MPP7: variants seen among roughly 807,000 people sequenced by gnomAD.
The protein encoded by MPP7 is MAGUK p55 scaffold protein 7.
A neutral mutation model predicts 76.5 loss-of-function variants in MPP7; 60 were observed. That is an observed-to-expected ratio of 0.78 (90% CI 0.64 to 0.97). The LOEUF is 0.97. MPP7 is among the 50% of genes least tolerant of loss of function. The pLI is 0.00. For missense variants in MPP7, 641 were observed against 694.0 expected (o/e 0.92, Z 0.86); for synonymous variants, 237 against 244.5 (o/e 0.97, Z 0.29).
intron 1 of MPP7, among the ~76,000 whole-genome samples, chr10:28,254,588 C>T (rs1272912679): frequency 2.0e-5 from 3 of 152,164 alleles, no homozygotes; most frequent in Non-Finnish European, 4.4e-5. Flanking sequence ...AAGATAATTA[C>T]TTAAAACCTA....
intron 11 of MPP7, among the ~76,000 whole-genome samples, chr10:28,117,098 C>T (rs1834685930): frequency 6.6e-6 from 1 of 151,984 alleles, no homozygotes; most frequent in Non-Finnish European, 1.5e-5. Context: ...TGAACTTTTC[C>T]CCCATGCAAA....
intron 1 of MPP7, among the ~76,000 whole-genome samples, chr10:28,246,223 G>A (rs554390923): frequency 2.0e-5 from 3 of 152,206 alleles, no homozygotes; most frequent in African/African-American, 7.2e-5. Flanking sequence ...GACTCATCAT[G>A]TACAAGGAAG....
At chr10:28,225,304 A>G (rs957279835) in intron 2 of MPP7, among the ~76,000 whole-genome samples, 1 of 152,196 alleles carries the variant, frequency 6.6e-6, no homozygotes, top group East Asian at 1.9e-4. Context: ...CATCAACAAC[A>G]TAAGAAAAAA....
intron 2 of MPP7, among the ~76,000 whole-genome samples, chr10:28,218,175 G>T (rs1838377037): frequency 6.6e-6 from 1 of 152,218 alleles, no homozygotes; most frequent in African/African-American, 2.4e-5. Flanking sequence ...GGCCGGTGGA[G>T]AATTGGCTAT....
intron 3 of MPP7, among the ~76,000 whole-genome samples, chr10:28,166,650 G>A (rs1231024094): frequency 2.0e-5 from 3 of 151,844 alleles, no homozygotes; most frequent in Admixed American, 6.6e-5. Flanking sequence ...CAGGTGATCC[G>A]CCCATCTCGG....
chr10:28,275,293 G>A (rs777728803), intron 1 of MPP7, among the ~76,000 whole-genome samples: 7 of 152,048 alleles, frequency 4.6e-5, no homozygotes, highest in African/African-American at 9.7e-5. Flanking sequence ...CTACATGAAC[G>A]GCATGACCAT....
At chr10:28,232,127 G>A (rs375878801) in intron 2 of MPP7, among the ~76,000 whole-genome samples, 1 of 152,120 alleles carries the variant, frequency 6.6e-6, no homozygotes, top group East Asian at 1.9e-4. Context: ...GAGGCCAGTG[G>A]TGGGACGATC....
chr10:28,131,707 G>C lies in MPP7; in HGVS notation c.316-16C>G, dbSNP rs557532955. ...AGAGCAAAGCCTGTAATATTCAAAG[G>C]TTGATTTAAATAAGTAAATATACAT... is the stretch of plus-strand genomic sequence containing the variant. On this transcript the variant is annotated splice_polypyrimidine_tract_variant and intron_variant, in intron 5 of 16. Transcript: ENST00000683449. 5 of 1,501,498 alleles carry C rather than the reference G, an allele frequency of 3.3e-6. No homozygotes were observed. The East Asian group carries it at 1.0e-4, about 31-fold the overall frequency. 93.0% of individuals were successfully genotyped at this position (1,501,498 alleles called of 1,614,324 possible).
At position 28,124,051 on chromosome 10, in the gene MPP7, C is replaced by T. The variant is rs1278559142; in HGVS notation, c.595G>A (p.Glu199Lys). 6.2e-7 allele frequency: 1 copy of T among 1,609,868 alleles called. No homozygotes were observed. Among genetic ancestry groups the T allele is most frequent in the East Asian group, 2.2e-5 (1 of 44,848 alleles). Reference sequence around the variant, plus strand: ...CTTACCAAAATCTGTATTATTTCCTCAGGCCTTTTATCCTCCACTGGTATC... The same window carrying T: ...CTTACCAAAATCTGTATTATTTCCTTAGGCCTTTTATCCTCCACTGGTATC... ...NGIPVEDKRPEEIIQILAQSQ... is the reference protein window; with the variant it reads ...NGIPVEDKRPKEIIQILAQSQ... The change falls in exon 8 of 17, where the codon GAG (glutamate) becomes AAG (lysine). Residue 199 changes from glutamate to lysine, a missense_variant. Transcript: ENST00000683449.
intron 7 of MPP7, 131 bp from the exon 8 acceptor site, chr10:28,124,247 A>G: frequency 1.5e-6 from 1 of 662,042 alleles, no homozygotes; most frequent in Non-Finnish European, 2.7e-6. Flanking sequence ...AGACCTTCAC[A>G]CATCTCAGGT....
chr10:28,165,535 GAA>G (rs11366770), intron 3 of MPP7, among the ~76,000 whole-genome samples: 294 of 135,638 alleles, frequency 2.2e-3, no homozygotes, highest in Middle Eastern at 7.8e-3. Flanking sequence ...CTAAGAAAAG[GAA>G]AAAAAAAAAA....
intron 3 of MPP7, among the ~76,000 whole-genome samples, chr10:28,171,160 C>T (rs1836667633): frequency 6.6e-6 from 1 of 152,146 alleles, no homozygotes; most frequent in African/African-American, 2.4e-5. Flanking sequence ...GACAGACACA[C>T]CTTCAGTCCA....
chr10:28,217,111 G>A (rs1838334756), intron 2 of MPP7, among the ~76,000 whole-genome samples: 1 of 152,068 alleles, frequency 6.6e-6, no homozygotes, highest in South Asian at 2.1e-4. Context: ...GTGCTTTAAA[G>A]TTTTTAATAC....
chr10:28,136,372 A>T (rs1835354830), intron 5 of MPP7, among the ~76,000 whole-genome samples: 1 of 152,084 alleles, frequency 6.6e-6, no homozygotes, highest in African/African-American at 2.4e-5. Context: ...AAACACAAAA[A>T]TACCCAGCAT....
At chr10:28,128,041 T>A (rs1235283329) in intron 6 of MPP7, among the ~76,000 whole-genome samples, 1 of 152,000 alleles carries the variant, frequency 6.6e-6, no homozygotes, top group East Asian at 1.9e-4. Context: ...CAAGAGGAGA[T>A]GAGGTAAAGG....
intron 1 of MPP7, among the ~76,000 whole-genome samples, chr10:28,287,586 T>G (rs10826442): frequency 0.14 from 21,882 of 152,164 alleles, 2,150 homozygotes; most frequent in East Asian, 0.46. Context: ...GTTAGCACAT[T>G]TTATAATGCC....
intron 12 of MPP7, among the ~76,000 whole-genome samples, chr10:28,082,312 C>T (rs1424281148): frequency 6.6e-6 from 1 of 152,086 alleles, no homozygotes; most frequent in East Asian, 1.9e-4. Flanking sequence ...CAGTAGAAGC[C>T]TACTGATATT....
At chr10:28,092,997 AG>A (rs1853392829) in intron 11 of MPP7, among the ~76,000 whole-genome samples, 1 of 152,102 alleles carries the variant, frequency 6.6e-6, no homozygotes, top group Non-Finnish European at 1.5e-5. Context: ...TGCAGAATTT[AG>A]TTATCCCAAA....
intron 3 of MPP7, among the ~76,000 whole-genome samples, chr10:28,177,903 G>A (rs1836930448): frequency 6.6e-6 from 1 of 152,030 alleles, no homozygotes; most frequent in African/African-American, 2.4e-5. Flanking sequence ...CTTTCCCTTG[G>A]CTGATCCAGA....
Sources: gnomAD v4.1 joint callset for allele counts (sites outside exome capture counted in the v4.1 genomes callset) on GRCh38, gnomAD v4.1.1 for gene constraint, MANE v1.5 for transcripts, NCBI Gene and HGNC (gene_info 2026-07-23, HGNC 2026-07-21) for gene names.